The following PLCH1 variants were observed in gnomAD, a reference collection of about 807,000 sequenced individuals.
The protein encoded by PLCH1 is phospholipase C eta 1.
A neutral mutation model predicts 126.7 loss-of-function variants in PLCH1; 60 were observed. The ratio of observed to expected loss-of-function variants is 0.47; its 90% CI spans 0.38 to 0.59. The LOEUF is 0.59. PLCH1 is among the 20% of genes least tolerant of loss of function. PLCH1 has a pLI of 0.00. For synonymous variants in PLCH1, 719 were observed against 734.9 expected (o/e 0.98, Z 0.35); for missense variants, 1,723 against 2,040.0 (o/e 0.84, Z 2.99).
chr3:155,717,366 G>A (rs1372507441), intron 1 of PLCH1, among the ~76,000 whole-genome samples: 1 of 152,200 alleles, frequency 6.6e-6, no homozygotes, highest in East Asian at 1.9e-4. Context: ...GACAGTGTGT[G>A]GAAGCTCCAT....
chr3:155,622,944 A>G lies in PLCH1; in HGVS notation c.80-26566T>C, dbSNP rs189499291. Among the ~76,000 whole-genome samples, 60 of 152,288 alleles carry G rather than the reference A, an allele frequency of 3.9e-4. 2 individuals are homozygous for G. The East Asian group carries it at 0.01, about 25-fold the overall frequency. ...GACATCTACAGAACTCTCCACCCCA[A>G]ATCGACAGAATATATATTCTTCTCA... On this transcript the variant is annotated intron_variant, in intron 2 of 22. Transcript: ENST00000460012.
intron 2 of PLCH1, among the ~76,000 whole-genome samples, chr3:155,682,528 T>C (rs1744618080): frequency 6.6e-6 from 1 of 152,216 alleles, no homozygotes; most frequent in Non-Finnish European, 1.5e-5. Flanking sequence ...TTATAAACTC[T>C]ACACCTTACG....
At chr3:155,587,756 G>A (rs1052871545) in intron 4 of PLCH1, among the ~76,000 whole-genome samples, 35 of 152,206 alleles carry the variant, frequency 2.3e-4, no homozygotes, top group African/African-American at 8.4e-4. Context: ...TTTACATAGT[G>A]AGAATGCAGA....
At position 155,725,642 on chromosome 3, in the gene PLCH1, G is replaced by A. The variant is rs538682082; in HGVS notation, c.-41+19198C>T. On this transcript the variant is annotated intron_variant, in intron 1 of 22. Coordinates refer to ENST00000460012, the MANE Select transcript of PLCH1 (RefSeq NM_014996.4). ...TTTAGTAGAGACGGGGTTTCACCAC[G>A]TTGGCCGGGCTGGTCTTGAACTCCT... 2.3e-3 allele frequency among the ~76,000 whole-genome samples: 354 copies of A among 152,130 alleles called. 1 individual carries two copies. The highest frequency in any genetic ancestry group is 4.1e-3 in the Non-Finnish European group (281 of 67,994).
intron 12 of PLCH1, among the ~76,000 whole-genome samples, chr3:155,506,255 G>T (rs1227182019): frequency 3.3e-5 from 5 of 151,644 alleles, no homozygotes; most frequent in African/African-American, 7.3e-5. Context: ...TACAAAGCTT[G>T]TTGGTGATAA....
chr3:155,605,980 G>A (rs1734300877), intron 2 of PLCH1, among the ~76,000 whole-genome samples: 1 of 151,794 alleles, frequency 6.6e-6, no homozygotes, highest in African/African-American at 2.4e-5. Context: ...AAAAAAAAAA[G>A]AAGGCTTAAA....
At chr3:155,600,327 C>T (rs1268416131) in intron 2 of PLCH1, among the ~76,000 whole-genome samples, 1 of 152,200 alleles carries the variant, frequency 6.6e-6, no homozygotes, top group Non-Finnish European at 1.5e-5. Flanking sequence ...CTGCCTCCAA[C>T]AGAAATGATT....
intron 5 of PLCH1, among the ~76,000 whole-genome samples, chr3:155,585,306 T>C (rs1273296614): frequency 6.6e-6 from 1 of 152,196 alleles, no homozygotes; most frequent in Non-Finnish European, 1.5e-5. Flanking sequence ...CTCCTATGCT[T>C]ATTTTTACAT....
At chr3:155,491,753 G>A (rs1165965411) in intron 18 of PLCH1, among the ~76,000 whole-genome samples, 1 of 152,090 alleles carries the variant, frequency 6.6e-6, no homozygotes, top group Non-Finnish European at 1.5e-5. Flanking sequence ...AGTGGGGAGG[G>A]TAGATATTGA....
At chr3:155,470,648 A>C (rs575837073) in intron 21 of PLCH1, among the ~76,000 whole-genome samples, 1 of 152,282 alleles carries the variant, frequency 6.6e-6, no homozygotes, top group East Asian at 1.9e-4. Flanking sequence ...GTTCAAATGA[A>C]GGAAAAAATG....
In PLCH1 at chr3:155,485,533, C is replaced by T; in HGVS notation, c.2797G>A (p.Glu933Lys). 6.2e-7 allele frequency: 1 copy of T among 1,614,192 alleles called. No individual in the cohort carries two copies. Among genetic ancestry groups the T allele is most frequent in the Non-Finnish European group, 8.5e-7 (1 of 1,180,026 alleles). Residue 933 changes from glutamate (E) to lysine (K), a missense_variant, in exon 22 of 23, where the codon GAG becomes AAG. Physicochemically the swap from Glu to Lys is moderately conservative, Grantham distance 56 (BLOSUM62 1). Coordinates refer to ENST00000460012, the MANE Select transcript of PLCH1 (RefSeq NM_014996.4). ...KSKMGFQEMV[E>K]IKDSVSEATR... ...GCCTCGGACACAGAATCCTTTATCTCCACCATTTCTTGGAAGCCCATTTTG... is the reference window on the plus strand; with the variant it reads ...GCCTCGGACACAGAATCCTTTATCTTCACCATTTCTTGGAAGCCCATTTTG...
intron 1 of PLCH1, among the ~76,000 whole-genome samples, chr3:155,714,990 C>CTA (rs1747401891): frequency 6.6e-6 from 1 of 152,142 alleles, no homozygotes; most frequent in Non-Finnish European, 1.5e-5. Context: ...AAATATTTGA[C>CTA]TACTGGTTTA....
chr3:155,479,038 A>G (rs1268458602), downstream of PLCH1, among the ~76,000 whole-genome samples: 1 of 152,178 alleles, frequency 6.6e-6, no homozygotes, highest in African/African-American at 2.4e-5. Flanking sequence ...TTCACTTCCC[A>G]CAATTTTGGG....
chr3:155,671,510 C>A (rs1366136549), intron 2 of PLCH1, among the ~76,000 whole-genome samples: 1 of 152,020 alleles, frequency 6.6e-6, no homozygotes, highest in Admixed American at 6.6e-5. Context: ...CTTTTAAAGT[C>A]AATCTATGAT....
At chr3:155,483,501 A>G (rs1225603940) in intron 22 of PLCH1, 22 of 468,914 alleles carry the variant, frequency 4.7e-5, no homozygotes, top group Non-Finnish European at 1.1e-5. Flanking sequence ...ACAAAAAAAG[A>G]AGAAAAGAAG....
At chr3:155,652,617 A>G (rs1740842059) in intron 2 of PLCH1, among the ~76,000 whole-genome samples, 1 of 152,198 alleles carries the variant, frequency 6.6e-6, no homozygotes, top group Non-Finnish European at 1.5e-5. Context: ...TAGAATGCTT[A>G]TTACATGCAG....
At chr3:155,467,109 C>T (rs540438030) in intron 21 of PLCH1, among the ~76,000 whole-genome samples, 2 of 151,940 alleles carry the variant, frequency 1.3e-5, no homozygotes, top group East Asian at 1.9e-4. Context: ...ACTTCCTAAA[C>T]CTAGAGAAAT....
rs142012912 is a variant in PLCH1 at position 155,556,301 on chromosome 3, C to T, written c.1070-2105G>A. Among the ~76,000 whole-genome samples, 587 of 152,176 alleles carry T rather than the reference C, an allele frequency of 3.9e-3. 1 individual carries two copies. Among genetic ancestry groups the T allele is most frequent in the African/African-American group, 0.013 (558 of 41,524 alleles). ...CCGGGAGGTGGAGGATGCAGTGAGT[C>T]GAGCTCGTGACATTGCAACTCCAGC... On this transcript the variant is annotated intron_variant, in intron 8 of 22. Coordinates refer to ENST00000460012, the MANE Select transcript of PLCH1 (RefSeq NM_014996.4).
At chr3:155,577,232 C>T (rs1730091847) in intron 6 of PLCH1, among the ~76,000 whole-genome samples, 1 of 152,052 alleles carries the variant, frequency 6.6e-6, no homozygotes, top group Non-Finnish European at 1.5e-5. Flanking sequence ...TGCACTCCAG[C>T]CTGGGTGACA....
Sources: gnomAD v4.1 joint callset for allele counts (sites outside exome capture counted in the v4.1 genomes callset) on GRCh38, gnomAD v4.1.1 for gene constraint, MANE v1.5 for transcripts, NCBI Gene and HGNC (gene_info 2026-07-23, HGNC 2026-07-21) for gene names.